Variants in SRGAP2 observed in about 807,000 individuals in gnomAD.
SRGAP2 encodes the protein SLIT-ROBO Rho GTPase activating protein 2.
SRGAP2 carries 15 observed loss-of-function variants against 57.2 expected under a neutral mutation model. That is an observed-to-expected ratio of 0.26 (90% CI 0.18 to 0.40). The LOEUF is 0.40. Ranked by LOEUF, SRGAP2 falls within the 10% of genes least tolerant of loss-of-function variation. SRGAP2 has a pLI of 1.00. For synonymous variants in SRGAP2, 249 were observed against 248.0 expected (o/e 1.00, Z -0.04); for missense variants, 520 against 669.6 (o/e 0.78, Z 2.47).
At chr1:206,457,612 C>T (rs1464397773) in intron 21 of SRGAP2, among the ~76,000 whole-genome samples, 7 of 152,196 alleles carry the variant, frequency 4.6e-5, no homozygotes, top group Admixed American at 3.9e-4. Context: ...GACAGACTCA[C>T]GGAGTGACTG....
chr1:206,428,288 G>A (rs1449781832), intron 13 of SRGAP2, among the ~76,000 whole-genome samples: 2 of 151,512 alleles, frequency 1.3e-5, no homozygotes, highest in Non-Finnish European at 2.9e-5. Flanking sequence ...ATAGTGGCAG[G>A]TGCCTGTATT....
At chr1:206,435,866 A>AT (rs1661690661) in intron 14 of SRGAP2, among the ~76,000 whole-genome samples, 1 of 152,020 alleles carries the variant, frequency 6.6e-6, no homozygotes, top group South Asian at 2.1e-4. Flanking sequence ...TTTTTTCATG[A>AT]TTTTTTTCTC....
chr1:206,260,833 A>T (rs1392058150), intron 2 of SRGAP2, among the ~76,000 whole-genome samples: 1 of 152,240 alleles, frequency 6.6e-6, no homozygotes, highest in Admixed American at 6.5e-5. Flanking sequence ...AGCAGTGCAT[A>T]TGCTACTTAA....
chr1:206,417,106 T>C (rs1464273199), intron 11 of SRGAP2, among the ~76,000 whole-genome samples: 2 of 145,228 alleles, frequency 1.4e-5, no homozygotes, highest in Non-Finnish European at 3.0e-5. Context: ...ATGACTTCTT[T>C]TTTTTTTTTT....
intron 5 of SRGAP2, among the ~76,000 whole-genome samples, chr1:206,384,646 T>C (rs1305846778): frequency 6.6e-6 from 1 of 151,924 alleles, no homozygotes; most frequent in Non-Finnish European, 1.5e-5. Flanking sequence ...GGCTGCGGGC[T>C]TGGAGAAGAG....
rs1265943295 is a variant in SRGAP2, at chr1:206,461,891, C to T, written c.*471C>T. The T allele has an allele frequency of 7.2e-6, 1 of 138,662 alleles. No homozygotes were observed. Among genetic ancestry groups the T allele is most frequent in the African/African-American group, 3.0e-5 (1 of 32,956 alleles). The allele number at this position is 138,662 out of a possible 1,614,324, so 8.6% of individuals were successfully genotyped here. A position where few individuals can be genotyped will look rare whatever the true frequency, so the allele number is the denominator to read the frequency against. On this transcript the variant is annotated 3_prime_UTR_variant, in exon 23 of 23. Coordinates refer to ENST00000573034, the MANE Select transcript of SRGAP2 (RefSeq NM_015326.5). ...CATACACACACATATTTTACACACA[C>T]ACACATTTTACACACACACACACAC...
chr1:206,437,718 C>T (rs1661897246), intron 15 of SRGAP2: 4 of 480,642 alleles, frequency 8.3e-6, no homozygotes, highest in Non-Finnish European at 1.5e-5. Context: ...TGTCCCTGAG[C>T]CAGGCTGGCA....
chr1:206,225,676 C>T (rs562061251), intron 2 of SRGAP2, among the ~76,000 whole-genome samples: 35 of 152,120 alleles, frequency 2.3e-4, no homozygotes, highest in African/African-American at 7.0e-4. Context: ...ACCCCTTTTA[C>T]GTGCCAAATA....
intron 3 of SRGAP2, among the ~76,000 whole-genome samples, chr1:206,312,652 A>G (rs1271649006): frequency 2.0e-5 from 3 of 151,986 alleles, no homozygotes; most frequent in Non-Finnish European, 4.4e-5. Flanking sequence ...TGTAGCGATT[A>G]TTTGACCCTA....
At chr1:206,356,166 TA>T (rs1180105446) in intron 4 of SRGAP2, among the ~76,000 whole-genome samples, 1 of 132,034 alleles carries the variant, frequency 7.6e-6, no homozygotes, top group South Asian at 2.7e-4. Flanking sequence ...ATAATTTTTT[TA>T]AAAAAAGCAT....
intron 2 of SRGAP2, among the ~76,000 whole-genome samples, chr1:206,298,525 A>C (rs1198390929): frequency 2.6e-5 from 4 of 152,208 alleles, no homozygotes; most frequent in African/African-American, 7.2e-5. Flanking sequence ...ACATACTGTA[A>C]AATTCACTCT....
rs77316154 is a variant in SRGAP2 at position 206,427,227 on chromosome 1, T to C, written c.1495-2935T>C. Among the ~76,000 whole-genome samples, 1,059 of 152,284 alleles carry C rather than the reference T, an allele frequency of 7.0e-3. 9 individuals are homozygous for C. Among genetic ancestry groups the C allele is most frequent in the African/African-American group, 0.024 (986 of 41,570 alleles). On this transcript the variant is annotated intron_variant, in intron 13 of 22. Transcript: ENST00000573034. ...ATGTAATAACAGAAGTCTGTAAACA[T>C]AAAAAGACTCCCCCCAGATTGAGCT...
Position 206,440,065 on chromosome 1 carries a change from T to C in SRGAP2, c.1858T>C (p.Phe620Leu), listed in dbSNP as rs782267023. 1 of 780,876 alleles carries C rather than the reference T, an allele frequency of 1.3e-6. No homozygotes were observed. The highest frequency in any genetic ancestry group is 1.7e-5 in the Admixed American group (1 of 59,036). 48.4% of individuals were successfully genotyped at this position (780,876 alleles called of 1,614,324 possible). A position where few individuals can be genotyped will look rare whatever the true frequency, so the allele number is the denominator to read the frequency against. The change falls in exon 17 of 23, where the codon TTT becomes CTT. Residue 620 changes from phenylalanine to leucine, a missense_variant. By Grantham distance (22) the Phe-to-Leu change is conservative. Coordinates refer to ENST00000573034, the MANE Select transcript of SRGAP2 (RefSeq NM_015326.5). The part of the protein sequence containing the change: ...KTTLIIMRYL[F>L]AFLNHLSQFS... The stretch of plus-strand genomic sequence containing the variant: ...CACTCTGATTATCATGAGATACCTC[T>C]TTGCCTTCCTCAATCAGTGAGTAGC...
chr1:206,249,577 A>C (rs551452547), intron 2 of SRGAP2, among the ~76,000 whole-genome samples: 2 of 147,976 alleles, frequency 1.4e-5, no homozygotes, highest in South Asian at 4.5e-4. Flanking sequence ...GGAACATCAC[A>C]CACCAGGGCC....
At chr1:206,341,293 C>T (rs1553335123) in intron 3 of SRGAP2, among the ~76,000 whole-genome samples, 2 of 152,166 alleles carry the variant, frequency 1.3e-5, no homozygotes, top group Non-Finnish European at 2.9e-5. Context: ...AGGAGTCTGA[C>T]TGGAGCAGGG....
chr1:206,353,044 A>G (rs1163994525), intron 4 of SRGAP2, among the ~76,000 whole-genome samples: 8 of 151,658 alleles, frequency 5.3e-5, no homozygotes, highest in Non-Finnish European at 8.8e-5. Flanking sequence ...TAGTTCTTTG[A>G]TTATCATAAG....
At chr1:206,361,280 G>A (rs1328522490) in intron 4 of SRGAP2, among the ~76,000 whole-genome samples, 40 of 144,388 alleles carry the variant, frequency 2.8e-4, no homozygotes, top group Admixed American at 2.1e-3. Context: ...TTTTCTTGCC[G>A]TTTCAGCTAA....
chr1:206,385,912 C>G (rs1553348338), intron 5 of SRGAP2, among the ~76,000 whole-genome samples: 1 of 152,090 alleles, frequency 6.6e-6, no homozygotes, highest in Non-Finnish European at 1.5e-5. Flanking sequence ...AGCTGGAATA[C>G]ACCTTCATAA....
intron 15 of SRGAP2, 35 bp from the exon 16 acceptor site, chr1:206,437,929 T>C (rs1661923476): frequency 1.3e-6 from 1 of 779,616 alleles, no homozygotes; most frequent in South Asian, 1.3e-5. Flanking sequence ...CCTCTCTCAC[T>C]CTCTTTCCTT....
Sources: allele counts gnomAD v4.1 joint callset (sites outside exome capture counted in the v4.1 genomes callset), GRCh38; gene constraint gnomAD v4.1.1; transcripts MANE v1.5; gene names NCBI Gene and HGNC (gene_info 2026-07-23, HGNC 2026-07-21).